The following PROSER1 variants were observed in gnomAD, a reference collection of about 807,000 sequenced individuals.
PROSER1 encodes the protein proline and serine rich 1, also known as proline and serine-rich protein 1.
Under a neutral mutation model 71.8 loss-of-function variants are expected in PROSER1, and 36 were observed. The observed-to-expected ratio is 0.50, with a 90% confidence interval of 0.38 to 0.66. The LOEUF is 0.66. Ranked by LOEUF, PROSER1 falls within the 30% of genes least tolerant of loss-of-function variation. The probability of loss-of-function intolerance (pLI) is 0.00; values close to 1 mark genes in which losing one functional copy is unlikely to be tolerated. For missense variants in PROSER1, 1,107 were observed against 1,135.0 expected, an observed-to-expected ratio of 0.98 and a Z score of 0.35; for synonymous variants, 490 against 452.4, an observed-to-expected ratio of 1.08 and a Z score of -1.06.
chr13:39,028,009 C>T (rs1870624761), intron 5 of PROSER1, among the ~76,000 whole-genome samples: 1 of 152,054 alleles, frequency 6.6e-6, no homozygotes, highest in Non-Finnish European at 1.5e-5. Context: ...GCTGAGTGGC[C>T]AACTGACTTC....
At chr13:39,015,524 T>C (rs1395992650) in intron 10 of PROSER1, among the ~76,000 whole-genome samples, 3 of 152,212 alleles carry the variant, frequency 2.0e-5, no homozygotes, top group Non-Finnish European at 2.9e-5. Flanking sequence ...TAATTAAGAT[T>C]CTTTTGACAT....
chr13:39,014,292 G>T lies in PROSER1; in HGVS notation c.960C>A (p.Val320=). Residue 320 remains valine (V), a synonymous_variant, in exon 11 of 13, where the codon GTC becomes GTA. Coordinates refer to ENST00000352251, the MANE Select transcript of PROSER1 (RefSeq NM_025138.5). ...GCTGAGGTGTGTGAACGGCTGAGGA[G>T]ACCTGCCCTGGGAACACAGGAAGGA... The part of the protein sequence containing the change: ...NTVLPVFPGQ[V]SSAVHTPQPS... 4 of 1,614,132 alleles carry T rather than the reference G, an allele frequency of 2.5e-6. No individual in the cohort carries two copies. Among genetic ancestry groups the T allele is most frequent in the South Asian group, 1.1e-5 (1 of 91,072 alleles).
intron 9 of PROSER1, among the ~76,000 whole-genome samples, chr13:39,018,335 G>A (rs983573473): frequency 3.3e-5 from 5 of 152,060 alleles, no homozygotes; most frequent in South Asian, 2.1e-4. Context: ...ACAGTGTAAA[G>A]GAAACCTCCA....
intron 1 of PROSER1, among the ~76,000 whole-genome samples, chr13:39,035,548 T>C (rs1432285305): frequency 1.3e-5 from 2 of 152,174 alleles, no homozygotes; most frequent in Non-Finnish European, 2.9e-5. Context: ...AAAAACAGGC[T>C]CACAAAGTAA....
intron 3 of PROSER1, among the ~76,000 whole-genome samples, chr13:39,030,580 C>T (rs911821573): frequency 3.3e-5 from 5 of 152,094 alleles, no homozygotes; most frequent in African/African-American, 1.2e-4. Flanking sequence ...TACCACCACA[C>T]CCAGCTAATT....
Position 39,014,450 on chromosome 13 carries a change from A to C in PROSER1, c.802T>G (p.Phe268Val), listed in dbSNP as rs760120408. 7.5e-6 allele frequency: 12 copies of C among 1,609,854 alleles called. No individual in the cohort carries two copies. The highest frequency in any genetic ancestry group is 2.2e-5 in the South Asian group (2 of 90,950). ...QTFSTPASQL[F>V]SPHGSNPSTP... ...GAAGGATTAGAACCATGAGGAGAAA[A>C]GAGTTGACTTGCTGGGGTGGAAAAT... The change falls in exon 11 of 13, where the codon TTT becomes GTT. Residue 268 changes from phenylalanine (F) to valine (V), a missense_variant. By Grantham distance (50) the Phe-to-Val change is conservative (BLOSUM62 -1). Coordinates refer to ENST00000352251, the MANE Select transcript of PROSER1 (RefSeq NM_025138.5).
Position 39,022,280 on chromosome 13 carries a change from T to C in PROSER1, c.730+46A>G, listed in dbSNP as rs758902562. ...AACAACTGTCCGTTCCAAGTGTACA[T>C]TTGTATATGAATAAGTTACTTAAAC... On this transcript the variant is annotated intron_variant, in intron 9 of 12. Transcript: ENST00000352251. The C allele has an allele frequency of 4.2e-5, 52 of 1,235,462 alleles. No individual in the cohort carries two copies. In the Admixed American group the frequency reaches 8.6e-4, roughly 20 times the overall value. 76.5% of individuals were successfully genotyped at this position (1,235,462 alleles called of 1,614,324 possible).
rs1469067201 is a variant in PROSER1, at chr13:39,012,178, G to A, written c.2617C>T (p.Leu873Phe). ...TGAGGAAACCCAGGGATACCCGGGA[G>A]GGACAAAAGGCCTGGAAAAACAGAA... ...GSSVFPGLLS[L>F]PGIPGFPQNP... The change falls in exon 12 of 13, where the codon CTC (leucine) becomes TTC (phenylalanine). Residue 873 changes from leucine (L) to phenylalanine (F), a missense_variant. By Grantham distance (22) the Leu-to-Phe change is conservative (BLOSUM62 0). Coordinates refer to ENST00000352251, the MANE Select transcript of PROSER1 (RefSeq NM_025138.5). 8 of 1,614,060 alleles carry A rather than the reference G, an allele frequency of 5.0e-6. 1 individual carries two copies. In the Admixed American group the frequency reaches 6.7e-5, roughly 13 times the overall value.
At chr13:39,032,436 CCT>C (rs1449682680) in intron 2 of PROSER1, among the ~76,000 whole-genome samples, 2 of 152,090 alleles carry the variant, frequency 1.3e-5, no homozygotes, top group Non-Finnish European at 2.9e-5. Flanking sequence ...TCACCACCAC[CCT>C]GTTTGACTGC....
Position 39,013,501 on chromosome 13 carries a change from C to G in PROSER1, c.1751G>C (p.Gly584Ala), listed in dbSNP as rs1294538712. 1 of 1,613,820 alleles carries G rather than the reference C, an allele frequency of 6.2e-7. No homozygotes were observed. Among genetic ancestry groups the G allele is most frequent in the African/African-American group, 1.3e-5 (1 of 74,844 alleles). Residue 584 changes from glycine to alanine, a missense_variant, in exon 11 of 13, where the codon GGC becomes GCC. Coordinates refer to ENST00000352251, the MANE Select transcript of PROSER1 (RefSeq NM_025138.5). Reference protein sequence around the residue: ...SCGSSASLLRGPHPGTSDLHI... With the variant: ...SCGSSASLLRAPHPGTSDLHI... ...CAGATCTGAGGTACCTGGGTGGGGG[C>G]CACGCAAAAGGGAGGCTGAGGAGCC...
chr13:39,031,581 T>C lies in PROSER1; in HGVS notation c.162A>G (p.Ala54=), dbSNP rs768623295. ...YFSWAEPQLK[A]MKALQHKMVA... is the part of the protein sequence containing the mutation. ...TACTTACATGCTGTAATGCTTTCAT[T>C]GCCTTCAACTGGGGCTCGGCCCAGG... The change falls in exon 3 of 13, where the codon GCA becomes GCG. Residue 54 remains alanine (A), a synonymous_variant. Transcript: ENST00000352251. The C allele has an allele frequency of 6.2e-7, 1 of 1,611,418 alleles. No individual in the cohort carries two copies. The highest frequency in any genetic ancestry group is 1.3e-5 in the African/African-American group (1 of 74,696).
intron 12 of PROSER1, 106 bp from the exon 13 acceptor site, chr13:39,011,593 C>A: frequency 2.6e-6 from 3 of 1,139,900 alleles, no homozygotes; most frequent in Middle Eastern, 3.0e-4. Context: ...GAAAGAAAGA[C>A]AAGACAAAAC....
At position 39,013,183 on chromosome 13, in the gene PROSER1, A is replaced by G. The variant is rs768591281; in HGVS notation, c.2069T>C (p.Ile690Thr). Reference sequence around the variant, plus strand: ...AGGAAGAGCAGTGAATACTGGTGCAATGGGAGTGGAGGAACCATGTGGTGG... The same window carrying G: ...AGGAAGAGCAGTGAATACTGGTGCAGTGGGAGTGGAGGAACCATGTGGTGG... ...SLPPHGSSTP[I>T]APVFTALPSF... The change falls in exon 11 of 13, where the codon ATT becomes ACT. Residue 690 changes from isoleucine (I) to threonine (T), a missense_variant. Transcript: ENST00000352251. 4 of 1,613,968 alleles carry G rather than the reference A, an allele frequency of 2.5e-6. No homozygotes were observed. Among genetic ancestry groups the G allele is most frequent in the South Asian group, 1.1e-5 (1 of 91,082 alleles).
chr13:39,021,975 C>A (rs562777311), intron 9 of PROSER1, among the ~76,000 whole-genome samples: 1 of 152,144 alleles, frequency 6.6e-6, no homozygotes, highest in Admixed American at 6.5e-5. Context: ...ATTGAAATGG[C>A]CTTCTCTTTC....
chr13:39,031,862 T>C (rs1870861760), intron 2 of PROSER1, among the ~76,000 whole-genome samples: 1 of 152,204 alleles, frequency 6.6e-6, no homozygotes. Flanking sequence ...ACAAGCTACA[T>C]TTCAAGTGCT....
rs571253337 is a variant in PROSER1, at chr13:39,012,075, C to T, written c.2712+8G>A. On this transcript the variant is annotated splice_region_variant and intron_variant, in intron 12 of 12. Coordinates refer to ENST00000352251, the MANE Select transcript of PROSER1 (RefSeq NM_025138.5). ...ACCATGTAATTTATGCCAGCCATTGCTGCTTACCTGCTGTAACAATGCTGA... is the reference window on the plus strand; with the variant it reads ...ACCATGTAATTTATGCCAGCCATTGTTGCTTACCTGCTGTAACAATGCTGA... 183 of 1,611,420 alleles carry T rather than the reference C, an allele frequency of 1.1e-4. 6 individuals are homozygous for T. In the South Asian group the frequency reaches 2.0e-3, roughly 18 times the overall value.
In PROSER1 at chr13:39,029,299, G is replaced by T; in HGVS notation, c.257C>A (p.Ala86Asp). The change falls in exon 4 of 13, where the codon GCT (alanine) becomes GAT (aspartate). Residue 86 changes from alanine to aspartate, a missense_variant. Transcript: ENST00000352251. ...TACTTACGAGGCTAACAGTTCAAGA[G>T]CAACTAGTTTGTCTTTACTGAAAGT... is the stretch of plus-strand genomic sequence containing the variant. ...CFTFSKDKLV[A>D]LELLASNIID... 6.7e-7 allele frequency: 1 copy of T among 1,481,674 alleles called. No homozygotes were observed. Among genetic ancestry groups the T allele is most frequent in the Non-Finnish European group, 9.0e-7 (1 of 1,105,082 alleles). The allele number at this position is 1,481,674 out of a possible 1,614,324, so 91.8% of individuals were successfully genotyped here.
At chr13:39,023,461 C>T (rs1384883872) in intron 7 of PROSER1, 4 of 195,710 alleles carry the variant, frequency 2.0e-5, no homozygotes, top group Non-Finnish European at 4.2e-5. Context: ...TTTCCTCCTA[C>T]ATAACAAAGA....
At position 39,037,384 on chromosome 13, in the gene PROSER1, T is replaced by C. The variant is rs1871168893; in HGVS notation, c.-142A>G. The C allele has an allele frequency of 4.5e-6, 3 of 665,286 alleles. No homozygotes were observed. The highest frequency in any genetic ancestry group is 2.8e-5 in the Admixed American group (1 of 35,652). The allele number at this position is 665,286 out of a possible 1,614,324, so 41.2% of individuals were successfully genotyped here. A position where few individuals can be genotyped will look rare whatever the true frequency, so the allele number is the denominator to read the frequency against. The stretch of plus-strand genomic sequence containing the variant: ...ACGAGCAAGAGAGGATGCGAAGAGG[T>C]AGAGAGTATTGCAAACTTCGCAAAA... On this transcript the variant is annotated 5_prime_UTR_variant, in exon 1 of 13. Transcript: ENST00000352251.
Sources: allele counts gnomAD v4.1 joint callset (sites outside exome capture counted in the v4.1 genomes callset), GRCh38; gene constraint gnomAD v4.1.1; transcripts MANE v1.5; gene names NCBI Gene and HGNC (gene_info 2026-07-23, HGNC 2026-07-21).